PLPPR5: variants seen among roughly 807,000 people sequenced by gnomAD.
The protein encoded by PLPPR5 is phospholipid phosphatase related 5, also known as phospholipid phosphatase-related protein type 5.
PLPPR5 carries 16 observed loss-of-function variants against 33.9 expected under a neutral mutation model. The ratio of observed to expected loss-of-function variants is 0.47; its 90% CI spans 0.32 to 0.72. The LOEUF (loss-of-function observed/expected upper bound fraction) is 0.72, where lower values mean the gene tolerates loss of function less well. Ranked by LOEUF, PLPPR5 falls within the 30% of genes least tolerant of loss-of-function variation. The pLI, the probability that PLPPR5 is intolerant of heterozygous loss-of-function variation, is 0.03. For synonymous variants in PLPPR5, 163 were observed against 150.3 expected (o/e 1.08, Z -0.62); for missense variants, 301 against 406.7 (o/e 0.74, Z 2.23).
At chr1:98,980,485 C>T (rs191409308) in intron 1 of PLPPR5, among the ~76,000 whole-genome samples, 2 of 152,162 alleles carry the variant, frequency 1.3e-5, no homozygotes, top group Non-Finnish European at 2.9e-5. Context: ...AATTAGATGA[C>T]TAAATTTAGA....
At chr1:98,952,338 T>C (rs1382988974) in intron 3 of PLPPR5, among the ~76,000 whole-genome samples, 6 of 150,314 alleles carry the variant, frequency 4.0e-5, no homozygotes, top group Non-Finnish European at 7.4e-5. Context: ...GCGTTAGGAG[T>C]CCACCTCCTG....
At chr1:98,913,204 C>T (rs78950118) in intron 5 of PLPPR5, among the ~76,000 whole-genome samples, 2,689 of 152,274 alleles carry the variant, frequency 0.018, 85 homozygotes, top group African/African-American at 0.061. Context: ...TCTTTAAGCA[C>T]GTTTTTGTTC....
intron 1 of PLPPR5, among the ~76,000 whole-genome samples, chr1:98,998,885 A>C (rs1223337657): frequency 6.6e-6 from 1 of 152,202 alleles, no homozygotes; most frequent in Non-Finnish European, 1.5e-5. Context: ...TAAGGAAAGT[A>C]CTATCCTGGG....
intron 3 of PLPPR5, among the ~76,000 whole-genome samples, chr1:98,934,043 C>G (rs150569800): frequency 6.6e-6 from 1 of 152,132 alleles, no homozygotes; most frequent in South Asian, 2.1e-4. Context: ...GAAGACAACA[C>G]AGGGATCCTA....
rs1650853985 is a variant in PLPPR5 at position 98,953,211 on chromosome 1, T to C, written c.480A>G (p.Thr160=). 6.2e-7 allele frequency: 1 copy of C among 1,614,158 alleles called. No individual in the cohort carries two copies. ...HFLALCKPNY[T]ALGCQQYTQF... is the part of the protein sequence containing the mutation. ...GTGTATACTGCTGACATCCAAGTGC[T>C]GTATAATTGGGCTTACACAGGGCAA... Residue 160 remains threonine, a synonymous_variant, in exon 3 of 6, where the codon ACA becomes ACG. Coordinates refer to ENST00000263177, the MANE Select transcript of PLPPR5 (RefSeq NM_001037317.2).
chr1:98,999,698 A>G (rs1243046828), intron 1 of PLPPR5, among the ~76,000 whole-genome samples: 1 of 152,208 alleles, frequency 6.6e-6, no homozygotes, highest in African/African-American at 2.4e-5. Flanking sequence ...AGCTTTAGGC[A>G]GGTTGATCCA....
At chr1:98,965,153 T>C (rs1304393263) in intron 1 of PLPPR5, among the ~76,000 whole-genome samples, 1 of 152,002 alleles carries the variant, frequency 6.6e-6, no homozygotes, top group South Asian at 2.1e-4. Context: ...GTCTGAGCAA[T>C]TGTGGTGTTT....
At chr1:98,986,599 T>C (rs1652272757) in intron 1 of PLPPR5, among the ~76,000 whole-genome samples, 1 of 151,740 alleles carries the variant, frequency 6.6e-6, no homozygotes, top group African/African-American at 2.4e-5. Context: ...TATTCCAAAA[T>C]GAGAAAATAG....
chr1:98,981,040 A>G (rs1309609146), intron 1 of PLPPR5, among the ~76,000 whole-genome samples: 1 of 152,032 alleles, frequency 6.6e-6, no homozygotes, highest in African/African-American at 2.4e-5. Flanking sequence ...TCTGCAACAC[A>G]CTTAGCAGCT....
At chr1:98,896,205 C>T (rs1648466912) in intron 5 of PLPPR5, among the ~76,000 whole-genome samples, 1 of 151,930 alleles carries the variant, frequency 6.6e-6, no homozygotes, top group African/African-American at 2.4e-5. Flanking sequence ...TGGCCTAATT[C>T]CTGTGCAGGA....
chr1:98,947,983 C>T (rs1312016215), intron 3 of PLPPR5, among the ~76,000 whole-genome samples: 1 of 152,186 alleles, frequency 6.6e-6, no homozygotes, highest in Non-Finnish European at 1.5e-5. Flanking sequence ...AGAGGAATGG[C>T]CTTCTGATGG....
At chr1:98,976,092 T>TAAAAAGAA (rs1651841023) in intron 1 of PLPPR5, among the ~76,000 whole-genome samples, 1 of 74,706 alleles carries the variant, frequency 1.3e-5, no homozygotes, top group African/African-American at 4.8e-5. Flanking sequence ...TACTAAAAAG[T>TAAAAAGAA]AAAAAAAAAA....
In PLPPR5 at chr1:99,004,570, G is replaced by A; in HGVS notation, c.102C>T (p.Asp34=). The change falls in exon 1 of 6, where the codon GAC becomes GAT. Residue 34 remains aspartate (D), a synonymous_variant. Transcript: ENST00000263177. ...AGCCCTGCACGTTCACGGTGAACGT[G>A]TCCGTATACTCGAAGTAGTACGCCA... is the stretch of plus-strand genomic sequence containing the variant. ...VMLAYYFEYT[D]TFTVNVQGFF... 1 of 1,613,068 alleles carries A rather than the reference G, an allele frequency of 6.2e-7. No individual in the cohort carries two copies. The highest frequency in any genetic ancestry group is 8.5e-7 in the Non-Finnish European group (1 of 1,179,848).
intron 1 of PLPPR5, chr1:98,991,151 TG>T (rs918930285): frequency 6.6e-6 from 1 of 152,094 alleles, no homozygotes; most frequent in African/African-American, 2.4e-5. Flanking sequence ...TGAAGTTTCC[TG>T]GAGTGTTCTC....
intron 1 of PLPPR5, among the ~76,000 whole-genome samples, chr1:98,957,932 A>C (rs1200243785): frequency 1.3e-5 from 2 of 152,236 alleles, no homozygotes; most frequent in African/African-American, 4.8e-5. Context: ...CATGGTCCTC[A>C]AAATCACCTA....
At chr1:98,977,982 G>A (rs184954594) in intron 1 of PLPPR5, among the ~76,000 whole-genome samples, 17 of 152,020 alleles carry the variant, frequency 1.1e-4, no homozygotes, top group Admixed American at 1.1e-3. Flanking sequence ...AACTACCTCT[G>A]GTGGTATAGC....
chr1:98,949,469 T>G lies in PLPPR5; in HGVS notation c.621+3601A>C, dbSNP rs562847436. 5.9e-5 allele frequency among the ~76,000 whole-genome samples: 9 copies of G among 152,330 alleles called. No homozygotes were observed. In the East Asian group the frequency reaches 1.7e-3, roughly 29 times the overall value. On this transcript the variant is annotated intron_variant, in intron 3 of 5. Transcript: ENST00000263177. Reference sequence around the variant, plus strand: ...GTACTCCATAACAGGGCTCATTGATTTTTATTTATGCATTTATGTATGTTT... The same window carrying G: ...GTACTCCATAACAGGGCTCATTGATGTTTATTTATGCATTTATGTATGTTT...
intron 3 of PLPPR5, among the ~76,000 whole-genome samples, chr1:98,937,656 C>G (rs1650220914): frequency 6.6e-6 from 1 of 152,132 alleles, no homozygotes; most frequent in Non-Finnish European, 1.5e-5. Flanking sequence ...AACTGCATGT[C>G]CTGGCTATCA....
At chr1:98,893,628 T>A (rs550375125) in intron 5 of PLPPR5, among the ~76,000 whole-genome samples, 40 of 150,056 alleles carry the variant, frequency 2.7e-4, no homozygotes, top group African/African-American at 9.5e-4. Flanking sequence ...CTTTTTTTTT[T>A]TTTTTTTTTT....
Sources: gnomAD v4.1 joint callset for allele counts (sites outside exome capture counted in the v4.1 genomes callset) on GRCh38, gnomAD v4.1.1 for gene constraint, MANE v1.5 for transcripts, NCBI Gene and HGNC (gene_info 2026-07-23, HGNC 2026-07-21) for gene names.